Variants in TRHDE observed in about 807,000 individuals in gnomAD.
The protein encoded by TRHDE is thyrotropin-releasing hormone-degrading ectoenzyme.
Under a neutral mutation model 125.7 loss-of-function variants are expected in TRHDE, and 72 were observed. The observed-to-expected ratio is 0.57, with a 90% confidence interval of 0.47 to 0.70. TRHDE has a LOEUF of 0.70. TRHDE is among the 30% of genes least tolerant of loss of function. The pLI is 0.00. For synonymous variants in TRHDE, 509 were observed against 509.1 expected, an observed-to-expected ratio of 1.00 and a Z score of 0.00; for missense variants, 1,110 against 1,327.1, an observed-to-expected ratio of 0.84 and a Z score of 2.54.
chr12:72,166,747 G>A (rs566766535), intron 2 of TRHDE, among the ~76,000 whole-genome samples: 2 of 152,244 alleles, frequency 1.3e-5, no homozygotes, highest in South Asian at 4.2e-4. Context: ...CAAGACATGG[G>A]GCATGAGCTG....
chr12:72,377,044 T>C (rs1871918705), intron 2 of TRHDE, among the ~76,000 whole-genome samples: 1 of 152,162 alleles, frequency 6.6e-6, no homozygotes, highest in South Asian at 2.1e-4. Context: ...ATTTGTTCAA[T>C]ATCACCCACC....
At chr12:72,655,657 G>C (rs1253702587) in intron 17 of TRHDE, among the ~76,000 whole-genome samples, 2 of 152,064 alleles carry the variant, frequency 1.3e-5, no homozygotes, top group Non-Finnish European at 2.9e-5. Context: ...CAAGTGGATA[G>C]TATAATACCT....
In TRHDE at chr12:72,122,673, GA is replaced by G. The variant is rs555730530; in HGVS notation, n.279+16923del. 1.9e-4 allele frequency among the ~76,000 whole-genome samples: 29 copies of G among 152,034 alleles called. No homozygotes were observed. In the East Asian group the frequency reaches 2.1e-3, roughly 11 times the overall value. On this transcript the variant is annotated intron_variant and non_coding_transcript_variant, in intron 2 of 4. Transcript: ENST00000548156. ...AGTTTTATATGGCAGCATTCAAAAGGAAGTCACTTTTCTGGATATTTGAGAG... is the reference window on the plus strand; with the variant it reads ...AGTTTTATATGGCAGCATTCAAAAGGAGTCACTTTTCTGGATATTTGAGAG...
chr12:72,363,882 A>C (rs1871229481), intron 2 of TRHDE, among the ~76,000 whole-genome samples: 1 of 152,034 alleles, frequency 6.6e-6, no homozygotes, highest in Admixed American at 6.6e-5. Context: ...CCATTGTCTC[A>C]GCCCAAAATC....
intron 2 of TRHDE, chr12:72,264,408 T>C (rs1279661086): frequency 1.3e-5 from 2 of 151,948 alleles, no homozygotes; most frequent in African/African-American, 4.8e-5. Context: ...TCATGGGACA[T>C]TGTTGTAGAA....
intron 2 of TRHDE, among the ~76,000 whole-genome samples, chr12:72,151,828 A>G (rs1278360516): frequency 5.7e-4 from 87 of 152,074 alleles, no homozygotes; most frequent in South Asian, 3.9e-3. Flanking sequence ...GTCAGGTAGC[A>G]TGATGCCTCC....
chr12:72,171,320 A>G, intron 2 of TRHDE, among the ~76,000 whole-genome samples: 1 of 152,198 alleles, frequency 6.6e-6, no homozygotes, highest in East Asian at 1.9e-4. Flanking sequence ...CCAGGCTCTC[A>G]CTTACAAGTG....
chr12:72,261,565 T>C (rs1429399198), intron 2 of TRHDE, among the ~76,000 whole-genome samples: 1 of 152,182 alleles, frequency 6.6e-6, no homozygotes, highest in Admixed American at 6.6e-5. Flanking sequence ...CCTTTACTTT[T>C]AGATATTTAT....
chr12:72,272,793 C>T lies in TRHDE; in HGVS notation c.150C>T (p.Asp50=), dbSNP rs765009629. 1.3e-6 allele frequency: 2 copies of T among 1,559,860 alleles called. No individual in the cohort carries two copies. The highest frequency in any genetic ancestry group is 1.4e-5 in the African/African-American group (1 of 73,744). ...TCGCAGCCGCGATGGGGGAAGACGACGCCGCGCTTCGGGCTGGCAGCAGGG... is the reference window on the plus strand; with the variant it reads ...TCGCAGCCGCGATGGGGGAAGACGATGCCGCGCTTCGGGCTGGCAGCAGGG... ...SPFAAAMGED[D]AALRAGSRGL... Residue 50 remains aspartate (D), a synonymous_variant, in exon 1 of 19, where the codon GAC becomes GAT. Transcript: ENST00000261180. The surrounding 1 kb of genome is among the most constrained non-coding windows in gnomAD (Gnocchi z 6.7).
In TRHDE at chr12:72,469,330, G is replaced by A. The variant is rs542925178; in HGVS notation, c.1316-428G>A. 3.9e-5 allele frequency among the ~76,000 whole-genome samples: 6 copies of A among 152,214 alleles called. No homozygotes were observed. The East Asian group carries it at 1.2e-3, about 29-fold the overall frequency. On this transcript the variant is annotated intron_variant, in intron 3 of 18. Coordinates refer to ENST00000261180, the MANE Select transcript of TRHDE (RefSeq NM_013381.3). The stretch of plus-strand genomic sequence containing the variant: ...TTAGAAAACATCACATTTTAAAACA[G>A]ATATAAAATGTTTTCTCTTATACAA...
At position 72,652,503 on chromosome 12, in the gene TRHDE, T is replaced by C. The variant is rs1874547135; in HGVS notation, c.2843+14T>C. On this transcript the variant is annotated intron_variant, in intron 16 of 18. Transcript: ENST00000261180. Reference sequence around the variant, plus strand: ...TTTATTAAACAGGTAGGCCGACTGATTTTCTAAATGTGTTTCTCTAATGAA... The same window carrying C: ...TTTATTAAACAGGTAGGCCGACTGACTTTCTAAATGTGTTTCTCTAATGAA... 2 of 1,569,770 alleles carry C rather than the reference T, an allele frequency of 1.3e-6. No individual in the cohort carries two copies. Among genetic ancestry groups the C allele is most frequent in the African/African-American group, 2.8e-5 (2 of 72,680 alleles).
intron 15 of TRHDE, among the ~76,000 whole-genome samples, chr12:72,623,109 T>C (rs1296000720): frequency 6.6e-6 from 1 of 151,980 alleles, no homozygotes; most frequent in East Asian, 1.9e-4. Flanking sequence ...CTCCTTCAAT[T>C]CTACCACGTT....
intron 2 of TRHDE, among the ~76,000 whole-genome samples, chr12:72,108,511 A>G (rs1316767080): frequency 6.6e-6 from 1 of 152,138 alleles, no homozygotes; most frequent in Non-Finnish European, 1.5e-5. Flanking sequence ...TATTTTTGCA[A>G]GTAGTCAACT....
chr12:72,116,019 AC>A (rs1328815178), intron 2 of TRHDE, among the ~76,000 whole-genome samples: 1 of 151,668 alleles, frequency 6.6e-6, no homozygotes, highest in African/African-American at 2.4e-5. Context: ...TCCCCCACTT[AC>A]CCTCTGACAG....
At chr12:72,183,535 A>G (rs980751872) in intron 2 of TRHDE, among the ~76,000 whole-genome samples, 15 of 152,266 alleles carry the variant, frequency 9.9e-5, no homozygotes, top group Admixed American at 8.5e-4. Context: ...CAAAAAGATC[A>G]TGATATTAGG....
intron 2 of TRHDE, among the ~76,000 whole-genome samples, chr12:72,316,458 G>A (rs1355398765): frequency 1.3e-5 from 2 of 152,052 alleles, no homozygotes; most frequent in African/African-American, 2.4e-5. Context: ...TTTACAAGAC[G>A]AAAACACCCG....
At chr12:72,636,558 G>A (rs975746685) in intron 15 of TRHDE, among the ~76,000 whole-genome samples, 8 of 151,372 alleles carry the variant, frequency 5.3e-5, no homozygotes, top group Non-Finnish European at 7.4e-5. Flanking sequence ...GGAGTGGTGA[G>A]AGAGGGCATC....
At position 72,420,857 on chromosome 12, in the gene TRHDE, A is replaced by G. The variant is rs1247104643; in HGVS notation, c.1315+42736A>G. On this transcript the variant is annotated intron_variant, in intron 3 of 18. Coordinates refer to ENST00000261180, the MANE Select transcript of TRHDE (RefSeq NM_013381.3). Reference sequence around the variant, plus strand: ...CTCAAACTTGGTTTAAAGCCTGGGCATGGCTCTGAACCTGTAGGTCGTAGA... The same window carrying G: ...CTCAAACTTGGTTTAAAGCCTGGGCGTGGCTCTGAACCTGTAGGTCGTAGA... Among the ~76,000 whole-genome samples, 3 of 152,206 alleles carry G rather than the reference A, an allele frequency of 2.0e-5. No homozygotes were observed. The East Asian group carries it at 5.8e-4, about 29-fold the overall frequency.
At chr12:72,441,642 G>A (rs1875018067) in intron 3 of TRHDE, among the ~76,000 whole-genome samples, 1 of 151,818 alleles carries the variant, frequency 6.6e-6, no homozygotes, top group African/African-American at 2.4e-5. Flanking sequence ...TATCAGTTTT[G>A]AGTTTAATGA....
Sources: gnomAD v4.1 joint callset for allele counts (sites outside exome capture counted in the v4.1 genomes callset) on GRCh38, gnomAD v4.1.1 for gene constraint, Gnocchi (gnomAD v3.1) non-coding constraint, MANE v1.5 for transcripts, NCBI Gene and HGNC (gene_info 2026-07-23, HGNC 2026-07-21) for gene names.